ITPR1: variants seen among roughly 807,000 people sequenced by gnomAD.
ITPR1 encodes the protein inositol 1,4,5-trisphosphate receptor type 1.
ITPR1 carries 96 observed loss-of-function variants against 318.4 expected under a neutral mutation model. The observed-to-expected ratio is 0.30, with a 90% confidence interval of 0.26 to 0.36. The LOEUF is 0.36. Ranked by LOEUF, ITPR1 falls within the 10% of genes least tolerant of loss-of-function variation. The pLI, the probability that ITPR1 is intolerant of heterozygous loss-of-function variation, is 1.00. For missense variants in ITPR1, 2,440 were observed against 3,460.2 expected (o/e 0.71, Z 7.40); for synonymous variants, 1,312 against 1,289.9 (o/e 1.02, Z -0.37).
chr3:4,497,000 A>G (rs889188262), intron 2 of ITPR1, among the ~76,000 whole-genome samples: 4 of 152,130 alleles, frequency 2.6e-5, no homozygotes, highest in African/African-American at 9.7e-5. Context: ...TATTGGTTTG[A>G]TTTTTAAAAA....
chr3:4,565,780 A>G (rs1333104673), intron 4 of ITPR1, among the ~76,000 whole-genome samples: 1 of 152,260 alleles, frequency 6.6e-6, no homozygotes, highest in African/African-American at 2.4e-5. Flanking sequence ...TAAAATTTCA[A>G]CTTCTAGGGA....
chr3:4,588,597 T>G (rs906387277), intron 4 of ITPR1, among the ~76,000 whole-genome samples: 1 of 152,168 alleles, frequency 6.6e-6, no homozygotes, highest in Non-Finnish European at 1.5e-5. Context: ...ACTCTCTAGA[T>G]GATCTCATCC....
Position 4,767,298 on chromosome 3 carries a change from A to G in ITPR1, c.5725+588A>G, listed in dbSNP as rs77649801. Among the ~76,000 whole-genome samples, 880 of 152,332 alleles carry G rather than the reference A, an allele frequency of 5.8e-3. 9 individuals are homozygous for G. Among genetic ancestry groups the G allele is most frequent in the African/African-American group, 0.02 (845 of 41,578 alleles). ...GTCTGGCTGTCCTGTGCACTGTAAGATACTTAGCAGCATACACATTCTCTA... is the reference window on the plus strand; with the variant it reads ...GTCTGGCTGTCCTGTGCACTGTAAGGTACTTAGCAGCATACACATTCTCTA... On this transcript the variant is annotated intron_variant, in intron 45 of 61. Coordinates refer to ENST00000649015, the MANE Select transcript of ITPR1 (RefSeq NM_001378452.1).
At chr3:4,610,589 C>T (rs1051525230) in intron 4 of ITPR1, among the ~76,000 whole-genome samples, 1 of 151,994 alleles carries the variant, frequency 6.6e-6, no homozygotes, top group Non-Finnish European at 1.5e-5. Context: ...AAATAGCCAG[C>T]GGAATGCACA....
intron 13 of ITPR1, among the ~76,000 whole-genome samples, chr3:4,660,468 CTA>C (rs1468864970): frequency 1.3e-5 from 2 of 150,748 alleles, no homozygotes; most frequent in Non-Finnish European, 3.0e-5. Flanking sequence ...AAAATTTAAA[CTA>C]TGTAATGAGA....
chr3:4,602,752 C>G (rs1464723198), intron 4 of ITPR1, among the ~76,000 whole-genome samples: 1 of 151,966 alleles, frequency 6.6e-6, no homozygotes, highest in African/African-American at 2.4e-5. Flanking sequence ...TGAAAGAAGC[C>G]TGTCACAAAA....
intron 4 of ITPR1, among the ~76,000 whole-genome samples, chr3:4,617,573 G>A (rs947285742): frequency 2.6e-5 from 4 of 152,152 alleles, no homozygotes; most frequent in Non-Finnish European, 5.9e-5. Context: ...TTAAATGTCA[G>A]CATGAGTTTT....
chr3:4,645,521 A>G (rs1351231670), intron 9 of ITPR1, 51 bp downstream of exon 9: 2 of 1,606,406 alleles, frequency 1.2e-6, no homozygotes, highest in African/African-American at 2.7e-5. Context: ...TCTTGGGGGC[A>G]GCAGTCTAAT....
At chr3:4,834,998 A>G (rs1182394497) in intron 60 of ITPR1, among the ~76,000 whole-genome samples, 2 of 152,174 alleles carry the variant, frequency 1.3e-5, no homozygotes, top group Non-Finnish European at 2.9e-5. Flanking sequence ...GAAGAGTTGC[A>G]TATCATTCTG....
chr3:4,733,313 CAG>C, intron 43 of ITPR1, 93 bp downstream of exon 43: 4 of 1,433,968 alleles, frequency 2.8e-6, no homozygotes, highest in Non-Finnish European at 3.8e-6. Context: ...ATGCTCACAA[CAG>C]ATGAATTTGT....
At chr3:4,739,714 A>G (rs922680783) in intron 44 of ITPR1, among the ~76,000 whole-genome samples, 4 of 152,186 alleles carry the variant, frequency 2.6e-5, no homozygotes, top group Non-Finnish European at 4.4e-5. Flanking sequence ...AGCAATGGCC[A>G]TTTTGGTGCC....
intron 61 of ITPR1, among the ~76,000 whole-genome samples, chr3:4,842,732 T>C (rs2051444474): frequency 6.6e-6 from 1 of 152,232 alleles, no homozygotes; most frequent in Middle Eastern, 3.2e-3. Context: ...TATTAGAATT[T>C]TGAATACAGT....
intron 4 of ITPR1, among the ~76,000 whole-genome samples, chr3:4,569,631 T>A (rs1455327987): frequency 1.3e-5 from 2 of 152,240 alleles, no homozygotes; most frequent in African/African-American, 2.4e-5. Context: ...GAACCTATGA[T>A]CTAAAAACTG....
At chr3:4,504,116 T>C (rs1183361176) in intron 2 of ITPR1, among the ~76,000 whole-genome samples, 2 of 152,362 alleles carry the variant, frequency 1.3e-5, no homozygotes, top group Middle Eastern at 3.4e-3. Context: ...CTTGGAAATA[T>C]TGAGCTTTTG....
intron 7 of ITPR1, 88 bp from the exon 8 acceptor site, chr3:4,644,048 G>T: frequency 1.2e-6 from 1 of 809,980 alleles, no homozygotes; most frequent in South Asian, 1.5e-5. Flanking sequence ...CTTCAGCACA[G>T]ACTCATATGT....
chr3:4,697,109 A>G, intron 33 of ITPR1, 38 bp from the exon 34 acceptor site: 1 of 1,603,854 alleles, frequency 6.2e-7, no homozygotes, highest in Non-Finnish European at 8.5e-7. Flanking sequence ...CATACACACC[A>G]AGATGGTTTT....
chr3:4,495,143 C>A (rs1464753056), intron 2 of ITPR1, among the ~76,000 whole-genome samples: 4 of 152,034 alleles, frequency 2.6e-5, no homozygotes, highest in Admixed American at 2.6e-4. Context: ...CACAACAGTT[C>A]CTATTTTTTC....
intron 51 of ITPR1, among the ~76,000 whole-genome samples, chr3:4,785,819 C>G (rs2047159887): frequency 6.6e-6 from 1 of 152,224 alleles, no homozygotes; most frequent in African/African-American, 2.4e-5. Context: ...CTCCTGACTC[C>G]AGATTCTAAA....
At chr3:4,511,950 C>T (rs901216039) in intron 2 of ITPR1, among the ~76,000 whole-genome samples, 3 of 152,066 alleles carry the variant, frequency 2.0e-5, no homozygotes, top group South Asian at 2.1e-4. Flanking sequence ...TTCTGGGAGG[C>T]GGCTATCCTT....
Sources: allele counts gnomAD v4.1 joint callset (sites outside exome capture counted in the v4.1 genomes callset), GRCh38; gene constraint gnomAD v4.1.1; transcripts MANE v1.5; gene names NCBI Gene and HGNC (gene_info 2026-07-23, HGNC 2026-07-21).